IDE: variants seen among roughly 807,000 people sequenced by gnomAD.
The protein encoded by IDE is insulin degrading enzyme, also known as insulin-degrading enzyme.
Under a neutral mutation model 133.2 loss-of-function variants are expected in IDE, and 58 were observed. The observed-to-expected ratio is 0.44, with a 90% CI of 0.35 to 0.54. IDE has a LOEUF of 0.54. Among genes scored for constraint, IDE ranks in the 20% least tolerant of loss-of-function variants. The pLI is 0.00. For synonymous variants in IDE, 396 were observed against 421.3 expected (o/e 0.94, Z 0.73); for missense variants, 981 against 1,234.0 (o/e 0.79, Z 3.07).
intron 1 of IDE, among the ~76,000 whole-genome samples, chr10:92,540,363 C>A (rs1842237138): frequency 6.6e-6 from 1 of 151,960 alleles, no homozygotes; most frequent in African/African-American, 2.4e-5. Flanking sequence ...AATTTGAGTT[C>A]AATATAAATT....
rs190862000 is a variant in IDE at position 92,490,719 on chromosome 10, C to G, written c.1431-124G>C. The stretch of plus-strand genomic sequence containing the variant: ...ATGTGCTGGGCCTCTTAAGACCCAG[C>G]AAATCCTGTAAGGCTTAGTCCAAAC... On this transcript the variant is annotated intron_variant, in intron 11 of 24. Transcript: ENST00000265986. 337 of 649,640 alleles carry G rather than the reference C, an allele frequency of 5.2e-4. 3 individuals carry two copies. In the East Asian group the frequency reaches 6.8e-3, roughly 13 times the overall value. The allele number at this position is 649,640 out of a possible 1,614,324, so 40.2% of individuals were successfully genotyped here. A position where few individuals can be genotyped will look rare whatever the true frequency, so the allele number is the denominator to read the frequency against.
intron 13 of IDE, among the ~76,000 whole-genome samples, chr10:92,485,161 CTT>C (rs1180462341): frequency 2.9e-5 from 3 of 102,194 alleles, no homozygotes; most frequent in Admixed American, 2.8e-4. Context: ...GAGTTTCGCT[CTT>C]GTTACCCAGG....
chr10:92,559,903 A>C (rs1321564236), intron 1 of IDE, among the ~76,000 whole-genome samples: 1 of 151,880 alleles, frequency 6.6e-6, no homozygotes, highest in Non-Finnish European at 1.5e-5. Context: ...ACACTCGGCT[A>C]ATTTTTTATT....
chr10:92,548,714 G>C (rs1227822715), intron 1 of IDE, among the ~76,000 whole-genome samples: 1 of 152,110 alleles, frequency 6.6e-6, no homozygotes, highest in South Asian at 2.1e-4. Flanking sequence ...CATTAGGTAG[G>C]CTGATAATAG....
chr10:92,542,994 T>C (rs1046389399), intron 1 of IDE, among the ~76,000 whole-genome samples: 1 of 152,230 alleles, frequency 6.6e-6, no homozygotes, highest in African/African-American at 2.4e-5. Context: ...ATGATCAATA[T>C]AGTAGCAGAT....
intron 21 of IDE, among the ~76,000 whole-genome samples, chr10:92,461,636 G>A (rs1262509117): frequency 6.6e-6 from 1 of 151,896 alleles, no homozygotes; most frequent in Non-Finnish European, 1.5e-5. Flanking sequence ...GATTATAGGC[G>A]TGAGCCATCG....
rs148601625 is a variant in IDE at position 92,460,271 on chromosome 10, T to C, written c.2823+920A>G. Among the ~76,000 whole-genome samples the C allele has an allele frequency of 1.7e-3, 259 of 152,310 alleles. 1 individual carries two copies. The highest frequency in any genetic ancestry group is 6.8e-3 in the Middle Eastern group (2 of 294). On this transcript the variant is annotated intron_variant, in intron 22 of 24. Coordinates refer to ENST00000265986, the MANE Select transcript of IDE (RefSeq NM_004969.4). ...ACCACAATTCAAAGGTGAGTAATCA[T>C]TTATTTTAAAAAGCAGCCACAGTGG...
At chr10:92,539,423 T>C (rs1013531038) in intron 1 of IDE, among the ~76,000 whole-genome samples, 1 of 152,168 alleles carries the variant, frequency 6.6e-6, no homozygotes, top group African/African-American at 2.4e-5. Context: ...TGTTAGTAGG[T>C]CACTGTTGGA....
intron 19 of IDE, among the ~76,000 whole-genome samples, chr10:92,468,671 T>C (rs1224160828): frequency 2.0e-5 from 3 of 152,240 alleles, no homozygotes; most frequent in Admixed American, 6.5e-5. Context: ...CTCTTCAAAA[T>C]TATTGCCTAT....
chr10:92,537,373 C>A lies in IDE; in HGVS notation c.276G>T (p.Val92=). ...CACAATTTTCAATTGTACCTATGTG[C>A]ACATCAAGTGCTGCTGATGACTTAT... The part of the protein sequence containing the change: ...TTDKSSAALD[V]HIGSLSDPPN... Residue 92 remains valine (V), a synonymous_variant, in exon 2 of 25, where the codon GTG becomes GTT. Coordinates refer to ENST00000265986, the MANE Select transcript of IDE (RefSeq NM_004969.4). The A allele has an allele frequency of 6.3e-7, 1 of 1,598,948 alleles. No homozygotes were observed. Among genetic ancestry groups the A allele is most frequent in the East Asian group, 2.2e-5 (1 of 44,810 alleles).
intron 11 of IDE, among the ~76,000 whole-genome samples, chr10:92,499,152 T>G (rs1209418691): frequency 6.6e-6 from 1 of 152,012 alleles, no homozygotes; most frequent in Non-Finnish European, 1.5e-5. Flanking sequence ...TTAAGAGCGG[T>G]TTTTAATATT....
At chr10:92,511,094 A>C (rs1285746937) in intron 5 of IDE, among the ~76,000 whole-genome samples, 2 of 150,748 alleles carry the variant, frequency 1.3e-5, no homozygotes, top group Non-Finnish European at 3.0e-5. Flanking sequence ...TAAAAAAAAA[A>C]AAAAAAACTT....
chr10:92,500,069 C>A (rs367756900), intron 11 of IDE, among the ~76,000 whole-genome samples: 1 of 151,870 alleles, frequency 6.6e-6, no homozygotes, highest in Admixed American at 6.6e-5. Context: ...AGGCCGAGAA[C>A]GGTGGATCAC....
intron 1 of IDE, among the ~76,000 whole-genome samples, chr10:92,553,102 T>C (rs746882330): frequency 2.6e-5 from 4 of 151,792 alleles, no homozygotes; most frequent in East Asian, 1.9e-4. Context: ...GATAAATGTA[T>C]GTTCATAGCA....
chr10:92,536,046 A>G lies in IDE; in HGVS notation c.284-1261T>C, dbSNP rs989988642. Among the ~76,000 whole-genome samples the G allele has an allele frequency of 2.6e-5, 4 of 151,666 alleles. 1 individual carries two copies. Among genetic ancestry groups the G allele is most frequent in the Non-Finnish European group, 5.9e-5 (4 of 67,928 alleles). ...GTGAGACTCTGTCTCAGAGAAAAAA[A>G]AAAAAAGAAGCAACCTGATTAAAGC... On this transcript the variant is annotated intron_variant, in intron 2 of 24. Transcript: ENST00000265986.
chr10:92,505,701 C>CT (rs1393490998), intron 10 of IDE, among the ~76,000 whole-genome samples: 1 of 152,146 alleles, frequency 6.6e-6, no homozygotes, highest in Non-Finnish European at 1.5e-5. Context: ...GAGAAGAACT[C>CT]TGAGTGGAGA....
intron 11 of IDE, among the ~76,000 whole-genome samples, chr10:92,502,873 T>TA (rs1848099156): frequency 6.6e-6 from 1 of 152,224 alleles, no homozygotes; most frequent in Non-Finnish European, 1.5e-5. Flanking sequence ...AGTTTTTCAG[T>TA]AAGATTTTCT....
In IDE at chr10:92,508,206, C is replaced by T; in HGVS notation, c.1061-1G>A. On this transcript the variant is annotated splice_acceptor_variant, in intron 7 of 24. Transcript: ENST00000265986. LOFTEE classifies it high-confidence loss of function. ...CCACCAACAAGAGTATTAACCCAGC[C>T]TGCAACATTCAAAGGAAATCAATAC... The T allele has an allele frequency of 6.2e-7, 1 of 1,609,990 alleles. No homozygotes were observed.
chr10:92,472,022 A>C (rs972166684), intron 17 of IDE, among the ~76,000 whole-genome samples: 7 of 152,178 alleles, frequency 4.6e-5, no homozygotes, highest in African/African-American at 1.7e-4. Context: ...TGGCACCTGG[A>C]TAGCTGAATG....
Sources: gnomAD v4.1 joint callset for allele counts (sites outside exome capture counted in the v4.1 genomes callset) on GRCh38, gnomAD v4.1.1 for gene constraint, MANE v1.5 for transcripts, NCBI Gene and HGNC (gene_info 2026-07-23, HGNC 2026-07-21) for gene names.